FAM227A: variants seen among roughly 807,000 people sequenced by gnomAD.
FAM227A encodes family with sequence similarity 227 member A.
In FAM227A, 80 loss-of-function variants were observed where a neutral mutation model predicts 74.7. The observed-to-expected ratio is 1.07, with a 90% confidence interval of 0.89 to 1.29. The LOEUF (loss-of-function observed/expected upper bound fraction) is 1.29. Among genes scored for constraint, FAM227A ranks in the 50% most tolerant of loss-of-function variants. FAM227A has a pLI of 0.00. For synonymous variants in FAM227A, 237 were observed against 241.8 expected, an observed-to-expected ratio of 0.98 and a Z score of 0.19; for missense variants, 654 against 683.4, an observed-to-expected ratio of 0.96 and a Z score of 0.48.
At chr22:38,631,364 C>T (rs567491756) in intron 6 of FAM227A, among the ~76,000 whole-genome samples, 42 of 151,892 alleles carry the variant, frequency 2.8e-4, no homozygotes, top group Admixed American at 2.0e-3. Flanking sequence ...AAGATGGAAA[C>T]AATAGACACG....
intron 15 of FAM227A, among the ~76,000 whole-genome samples, chr22:38,596,656 G>T (rs1355307779): frequency 6.6e-6 from 1 of 151,488 alleles, no homozygotes; most frequent in Non-Finnish European, 1.5e-5. Flanking sequence ...ATGCCTGATG[G>T]ACAGTTCAGT....
intron 11 of FAM227A, among the ~76,000 whole-genome samples, chr22:38,617,625 C>T (rs2091606488): frequency 1.3e-5 from 2 of 152,114 alleles, no homozygotes; most frequent in African/African-American, 4.8e-5. Context: ...ATTAAGCCTC[C>T]AATGCCATTT....
chr22:38,644,187 A>G (rs919229142), intron 3 of FAM227A, among the ~76,000 whole-genome samples: 2 of 152,000 alleles, frequency 1.3e-5, no homozygotes, highest in African/African-American at 2.4e-5. Flanking sequence ...GGAAACTAAA[A>G]AGCATACTAA....
intron 10 of FAM227A, among the ~76,000 whole-genome samples, chr22:38,621,875 G>C (rs1019274059): frequency 1.3e-5 from 2 of 152,072 alleles, no homozygotes; most frequent in African/African-American, 4.8e-5. Context: ...CCTTCTCAAG[G>C]CTGGACTGGG....
intron 11 of FAM227A, among the ~76,000 whole-genome samples, chr22:38,617,529 T>C (rs1030164764): frequency 6.6e-6 from 1 of 152,190 alleles, no homozygotes; most frequent in African/African-American, 2.4e-5. Context: ...TCTCCTGACC[T>C]TGTAATCCGC....
intron 6 of FAM227A, among the ~76,000 whole-genome samples, chr22:38,634,153 G>A (rs1318314015): frequency 6.6e-6 from 1 of 151,020 alleles, no homozygotes; most frequent in Non-Finnish European, 1.5e-5. Flanking sequence ...ACCCAGGAAG[G>A]GGAGGTTGCA....
intron 11 of FAM227A, among the ~76,000 whole-genome samples, chr22:38,619,595 A>T (rs1413109502): frequency 6.6e-6 from 1 of 152,160 alleles, no homozygotes; most frequent in Non-Finnish European, 1.5e-5. Context: ...AAGTATTGGG[A>T]TTATAGGCGT....
In FAM227A at chr22:38,582,704, C is replaced by A; in HGVS notation, c.*3421G>T. The A allele has an allele frequency of 9.7e-7, 1 of 1,029,840 alleles. No individual in the cohort carries two copies. The highest frequency in any genetic ancestry group is 1.4e-6 in the Non-Finnish European group (1 of 708,858). The allele number at this position is 1,029,840 out of a possible 1,614,324, so 63.8% of individuals were successfully genotyped here. ...CTGACAGACAGAAATGCAGTTTGTC[C>A]TGGGCTTAGAAAATAAGGAGACCTT... is the stretch of plus-strand genomic sequence containing the variant. On this transcript the variant is annotated 3_prime_UTR_variant, in exon 17 of 17. Transcript: ENST00000535113.
At position 38,610,192 on chromosome 22, in the gene FAM227A, A is replaced by AC. The variant is rs1555958415; in HGVS notation, c.1039-2717_1039-2716insG. On this transcript the variant is annotated intron_variant, in intron 11 of 16. Transcript: ENST00000535113. The stretch of plus-strand genomic sequence containing the variant: ...CCACACCTGGCTAATTTAAAAAAAA[A>AC]TTTTTTTTTTGGTAGAGACAGGGAG... Among the ~76,000 whole-genome samples the AC allele has an allele frequency of 6.0e-3, 893 of 149,186 alleles. 4 individuals are homozygous for AC. Among genetic ancestry groups the AC allele is most frequent in the Non-Finnish European group, 1.0e-2 (670 of 67,022 alleles).
intron 1 of FAM227A, among the ~76,000 whole-genome samples, chr22:38,655,763 G>C (rs1328738976): frequency 6.6e-6 from 1 of 152,174 alleles, no homozygotes; most frequent in Admixed American, 6.6e-5. Flanking sequence ...TCTAGGACAT[G>C]GAAGTCTCCC....
chr22:38,588,689 G>A (rs1238338086), intron 16 of FAM227A, among the ~76,000 whole-genome samples: 2 of 149,000 alleles, frequency 1.3e-5, no homozygotes, highest in Non-Finnish European at 3.0e-5. Context: ...TTGGGAGGCC[G>A]AGACGGGTGG....
rs540927846 is a variant in FAM227A at position 38,626,640 on chromosome 22, G to A, written c.727-337C>T. The stretch of plus-strand genomic sequence containing the variant: ...ACGCTTTGGGAGGCCGAGGCGGGTG[G>A]ATCACCTGAGGTCAGGAGTTTGAGA... On this transcript the variant is annotated intron_variant, in intron 8 of 16. Transcript: ENST00000535113. Among the ~76,000 whole-genome samples the A allele has an allele frequency of 5.2e-3, 794 of 151,392 alleles. 2 individuals carry two copies. The highest frequency in any genetic ancestry group is 8.9e-3 in the Non-Finnish European group (605 of 67,878).
At position 38,638,835 on chromosome 22, in the gene FAM227A, GGAGA is replaced by G; in HGVS notation, c.296-17_296-14del. On this transcript the variant is annotated splice_polypyrimidine_tract_variant and intron_variant, in intron 4 of 16. Transcript: ENST00000535113. ...CTTTGTCTCTTGACTGCAGAAAAAT[GGAGA>G]AAGAGATAAATGAGTAACCACAGGG... is the stretch of plus-strand genomic sequence containing the variant. 1 of 1,515,776 alleles carries G rather than the reference GGAGA, an allele frequency of 6.6e-7. No homozygotes were observed. Among genetic ancestry groups the G allele is most frequent in the Non-Finnish European group, 8.9e-7 (1 of 1,127,694 alleles). The allele number at this position is 1,515,776 out of a possible 1,614,324, so 93.9% of individuals were successfully genotyped here. A position where few individuals can be genotyped will look rare whatever the true frequency, so the allele number is the denominator to read the frequency against.
At chr22:38,639,790 G>T in intron 3 of FAM227A, 66 bp from the exon 4 acceptor site, 2 of 1,111,894 alleles carry the variant, frequency 1.8e-6, no homozygotes, top group Non-Finnish European at 1.3e-6. Context: ...GGTGGGGTTA[G>T]GGTCTAGGCG....
At chr22:38,621,976 C>T (rs866011179) in intron 10 of FAM227A, among the ~76,000 whole-genome samples, 14 of 152,114 alleles carry the variant, frequency 9.2e-5, no homozygotes, top group Admixed American at 2.0e-4. Context: ...GAGTTTCCCA[C>T]TAGATCATGA....
intron 9 of FAM227A, among the ~76,000 whole-genome samples, chr22:38,624,545 C>T (rs772976070): frequency 8.5e-5 from 13 of 152,158 alleles, no homozygotes; most frequent in African/African-American, 3.1e-4. Flanking sequence ...ACTCTCTTAA[C>T]GGAAGAAGAA....
chr22:38,595,975 G>GGC, intron 15 of FAM227A, among the ~76,000 whole-genome samples: 1 of 151,094 alleles, frequency 6.6e-6, no homozygotes, highest in African/African-American at 2.4e-5. Flanking sequence ...TAATAAGGGG[G>GGC]GGGGGGCAGG....
At chr22:38,617,129 ACT>A (rs1385287828) in intron 11 of FAM227A, among the ~76,000 whole-genome samples, 1 of 152,104 alleles carries the variant, frequency 6.6e-6, no homozygotes, top group Non-Finnish European at 1.5e-5. Flanking sequence ...GCCAGGCAGC[ACT>A]GAGTGCCCTT....
chr22:38,595,964 C>T (rs1210460266), intron 15 of FAM227A, among the ~76,000 whole-genome samples: 4 of 34,448 alleles, frequency 1.2e-4, no homozygotes. Context: ...AAAAAAACAA[C>T]TAATAAGGGG....
Sources: allele counts gnomAD v4.1 joint callset (sites outside exome capture counted in the v4.1 genomes callset), GRCh38; gene constraint gnomAD v4.1.1; transcripts MANE v1.5; gene names NCBI Gene and HGNC (gene_info 2026-07-23, HGNC 2026-07-21).